The following ITPRID1 variants were observed in gnomAD, a reference collection of about 807,000 sequenced individuals.
ITPRID1 encodes the protein protein ITPRID1.
In ITPRID1, 96 loss-of-function variants were observed where a neutral mutation model predicts 95.4. That is an observed-to-expected ratio of 1.01 (90% CI 0.85 to 1.19). ITPRID1 has a LOEUF of 1.19. ITPRID1 is among the 50% of genes most tolerant of loss of function. The probability of loss-of-function intolerance (pLI) is 0.00; values close to 1 mark genes in which losing one functional copy is unlikely to be tolerated. For missense variants in ITPRID1, 1,339 were observed against 1,252.9 expected (o/e 1.07, Z -1.04); for synonymous variants, 510 against 453.6 (o/e 1.12, Z -1.58).
At chr7:31,546,439 C>T (rs1784100160) in intron 1 of ITPRID1, among the ~76,000 whole-genome samples, 1 of 151,700 alleles carries the variant, frequency 6.6e-6, no homozygotes, top group Non-Finnish European at 1.5e-5. Flanking sequence ...AACTGTGTGT[C>T]TATGTCTGTG....
intron 1 of ITPRID1, among the ~76,000 whole-genome samples, chr7:31,519,618 C>CTATATATATATA (rs1436134437): frequency 1.2e-3 from 38 of 31,690 alleles, no homozygotes; most frequent in South Asian, 1.8e-3. Context: ...CTCTCTCTCT[C>CTATATATATATA]TCTATATATA....
At chr7:31,578,630 C>A (rs1785286113) in intron 9 of ITPRID1, among the ~76,000 whole-genome samples, 196 bp downstream of exon 9, 1 of 152,212 alleles carries the variant, frequency 6.6e-6, no homozygotes, top group Non-Finnish European at 1.5e-5. Flanking sequence ...CCAGCCTCTG[C>A]TTGCTCCAGT....
In ITPRID1 at chr7:31,651,853, G is replaced by T. The variant is rs927331626; in HGVS notation, c.2712-86G>T. The T allele has an allele frequency of 3.4e-6, 3 of 887,902 alleles. No individual in the cohort carries two copies. The African/African-American group carries it at 5.0e-5, about 15-fold the overall frequency. The allele number at this position is 887,902 out of a possible 1,614,324, so 55.0% of individuals were successfully genotyped here. A position where few individuals can be genotyped will look rare whatever the true frequency, so the allele number is the denominator to read the frequency against. On this transcript the variant is annotated intron_variant, in intron 13 of 14. Coordinates refer to ENST00000615280, the MANE Select transcript of ITPRID1 (RefSeq NM_001257967.3). ...CATTCTCTTTTAAGAAATTGCAAAG[G>T]AAGAACCTATATTATGAGGTGACAA...
In ITPRID1 at chr7:31,553,246, G is replaced by C; in HGVS notation, c.163+59G>C. On this transcript the variant is annotated intron_variant, in intron 3 of 14. Coordinates refer to ENST00000615280, the MANE Select transcript of ITPRID1 (RefSeq NM_001257967.3). The stretch of plus-strand genomic sequence containing the variant: ...TCCTCTGTGAGTGGTGAGGGATGTG[G>C]GAGCTTTTGGCCAGGGGCAGGTGAT... 1.7e-5 allele frequency: 25 copies of C among 1,467,388 alleles called. No individual in the cohort carries two copies. The South Asian group carries it at 3.2e-4, about 19-fold the overall frequency. The allele number at this position is 1,467,388 out of a possible 1,614,324, so 90.9% of individuals were successfully genotyped here.
intron 1 of ITPRID1, among the ~76,000 whole-genome samples, chr7:31,520,776 C>T (rs1783224768): frequency 6.6e-6 from 1 of 152,012 alleles, no homozygotes; most frequent in Admixed American, 6.6e-5. Context: ...GTATGCTAAT[C>T]CATGTATATA....
At chr7:31,604,911 G>A (rs1344705362) in intron 10 of ITPRID1, among the ~76,000 whole-genome samples, 1 of 152,104 alleles carries the variant, frequency 6.6e-6, no homozygotes, top group East Asian at 1.9e-4. Flanking sequence ...TGAGGCAGGA[G>A]GATCACCTGA....
intron 10 of ITPRID1, among the ~76,000 whole-genome samples, chr7:31,641,807 A>G (rs1411658921): frequency 1.3e-5 from 2 of 152,220 alleles, no homozygotes; most frequent in Admixed American, 6.5e-5. Flanking sequence ...ACACAAATAT[A>G]TAAAATGTGG....
intron 10 of ITPRID1, among the ~76,000 whole-genome samples, chr7:31,611,566 GTC>G (rs1391105706): frequency 6.6e-6 from 1 of 151,448 alleles, no homozygotes; most frequent in African/African-American, 2.4e-5. Context: ...GTCTTAAATT[GTC>G]TCTTTATATC....
chr7:31,575,568 C>A (rs1785151402), intron 8 of ITPRID1, among the ~76,000 whole-genome samples: 1 of 152,134 alleles, frequency 6.6e-6, no homozygotes, highest in African/African-American at 2.4e-5. Flanking sequence ...TGCCAAGGTG[C>A]ACTTTCAGCC....
intron 10 of ITPRID1, among the ~76,000 whole-genome samples, chr7:31,583,756 T>A (rs1207481481): frequency 6.6e-6 from 1 of 152,188 alleles, no homozygotes; most frequent in Non-Finnish European, 1.5e-5. Flanking sequence ...ACTAACTATA[T>A]GATCTGACTA....
At chr7:31,594,594 T>C (rs1271134991) in intron 10 of ITPRID1, among the ~76,000 whole-genome samples, 2 of 152,184 alleles carry the variant, frequency 1.3e-5, no homozygotes, top group African/African-American at 2.4e-5. Flanking sequence ...TGGTGGCTCA[T>C]GCCTGTAATC....
At position 31,592,170 on chromosome 7, in the gene ITPRID1, A is replaced by G. The variant is rs2159515; in HGVS notation, c.1228+8979A>G. On this transcript the variant is annotated intron_variant, in intron 10 of 14. Transcript: ENST00000615280. ...TCAAAGATAACAGGACTCCCCAGGT[A>G]TATCATCCACTACCTTTCCAGGACA... is the stretch of plus-strand genomic sequence containing the variant. 1.7e-3 allele frequency among the ~76,000 whole-genome samples: 255 copies of G among 152,316 alleles called. 1 individual carries two copies. The highest frequency in any genetic ancestry group is 2.7e-3 in the Non-Finnish European group (182 of 68,018).
intron 10 of ITPRID1, among the ~76,000 whole-genome samples, chr7:31,631,262 G>A (rs1238739839): frequency 1.3e-5 from 2 of 152,098 alleles, no homozygotes; most frequent in Non-Finnish European, 1.5e-5. Context: ...GGGGCAAAAG[G>A]CATGTGCTCA....
intron 10 of ITPRID1, among the ~76,000 whole-genome samples, chr7:31,589,940 T>C (rs10266242): frequency 6.6e-6 from 1 of 152,102 alleles, no homozygotes; most frequent in Non-Finnish European, 1.5e-5. Flanking sequence ...ACATTTTACA[T>C]GAAGTGGTAC....
chr7:31,628,369 C>A (rs38368), intron 10 of ITPRID1, among the ~76,000 whole-genome samples: 1 of 152,008 alleles, frequency 6.6e-6, no homozygotes, highest in African/African-American at 2.4e-5. Flanking sequence ...CCTGAGAATG[C>A]CTTCTGACTC....
chr7:31,647,048 A>G (rs1017556196), intron 12 of ITPRID1, among the ~76,000 whole-genome samples: 5 of 152,276 alleles, frequency 3.3e-5, no homozygotes, highest in African/African-American at 4.8e-5. Flanking sequence ...ATACGTGTGC[A>G]TATTTATACT....
chr7:31,591,135 GA>G (rs1785848367), intron 10 of ITPRID1, among the ~76,000 whole-genome samples: 1 of 152,176 alleles, frequency 6.6e-6, no homozygotes, highest in African/African-American at 2.4e-5. Flanking sequence ...AGCAAGACAG[GA>G]GTTGACCCCA....
At chr7:31,623,529 A>G (rs991134287) in intron 10 of ITPRID1, among the ~76,000 whole-genome samples, 2 of 151,730 alleles carry the variant, frequency 1.3e-5, no homozygotes, top group Non-Finnish European at 2.9e-5. Context: ...ATAGATGCAG[A>G]AAAGGCCTTT....
At chr7:31,569,985 G>C (rs929568087) in intron 6 of ITPRID1, among the ~76,000 whole-genome samples, 176 bp downstream of exon 6, 4 of 152,082 alleles carry the variant, frequency 2.6e-5, no homozygotes, top group African/African-American at 4.8e-5. Context: ...AGAAATAGAG[G>C]TTCCTTAAAA....
Sources: allele counts gnomAD v4.1 joint callset (sites outside exome capture counted in the v4.1 genomes callset), GRCh38; gene constraint gnomAD v4.1.1; transcripts MANE v1.5; gene names NCBI Gene and HGNC (gene_info 2026-07-23, HGNC 2026-07-21).